The following NT5DC2 variants were observed in gnomAD, a reference collection of about 807,000 sequenced individuals.
The protein encoded by NT5DC2 is 5'-nucleotidase domain-containing protein 2.
In NT5DC2, 41 loss-of-function variants were observed where a neutral mutation model predicts 70.0. The observed-to-expected ratio is 0.59, with a 90% CI of 0.46 to 0.76. The LOEUF (loss-of-function observed/expected upper bound fraction) is 0.76. NT5DC2 is among the 30% of genes least tolerant of loss of function. The pLI is 0.00. For missense variants in NT5DC2, 705 were observed against 783.2 expected (o/e 0.90, Z 1.19); for synonymous variants, 299 against 310.4 (o/e 0.96, Z 0.39).
upstream of NT5DC2, chr3:52,534,341 G>T: frequency 1.1e-6 from 1 of 873,644 alleles, no homozygotes; most frequent in Non-Finnish European, 1.8e-6. Context: ...GCCCGGGCCA[G>T]TCCACTCACT....
chr3:52,524,935 GC>G, intron 12 of NT5DC2, 27 bp downstream of exon 12: 1 of 1,612,436 alleles, frequency 6.2e-7, no homozygotes, highest in Non-Finnish European at 8.5e-7. Context: ...TACCGCCCTG[GC>G]CCTCCCACAG....
chr3:52,529,445 A>T lies in NT5DC2; in HGVS notation c.233-111T>A. ...GCCCTGTGAGCCTCAGAAACGCCCC[A>T]CAATGGCACCTCTTATTCCAGTGCT... On this transcript the variant is annotated intron_variant, in intron 1 of 13. Transcript: ENST00000422318. This position sits in a 1 kb window ranked among gnomAD's most constrained non-coding sequence, Gnocchi z 4.1. The T allele has an allele frequency of 1.0e-6, 1 of 971,824 alleles. No individual in the cohort carries two copies. The highest frequency in any genetic ancestry group is 1.5e-5 in the South Asian group (1 of 65,784). The allele number at this position is 971,824 out of a possible 1,614,324, so 60.2% of individuals were successfully genotyped here.
At chr3:52,534,764 G>C, upstream of NT5DC2, 1 of 1,443,836 alleles carries the variant, frequency 6.9e-7, no homozygotes, top group East Asian at 2.3e-5. Context: ...AGCCAGCTGG[G>C]CGCGCGTTGT....
Position 52,533,688 on chromosome 3 carries a change from C to T in NT5DC2, c.50G>A (p.Gly17Glu). The T allele has an allele frequency of 9.2e-7, 1 of 1,088,486 alleles. No individual in the cohort carries two copies. The highest frequency in any genetic ancestry group is 1.1e-6 in the Non-Finnish European group (1 of 897,718). 67.4% of individuals were successfully genotyped at this position (1,088,486 alleles called of 1,614,324 possible). Residue 17 changes from glycine (G) to glutamate (E), a missense_variant, in exon 1 of 14, where the codon GGA (glycine) becomes GAA (glutamate). Gly to Glu is a moderately conservative substitution (Grantham distance 98). Coordinates refer to ENST00000422318, the MANE Select transcript of NT5DC2 (RefSeq NM_001134231.2). ...RAAARRWLLCGGHGGPRAASS... is the reference protein window; with the variant it reads ...RAAARRWLLCEGHGGPRAASS... Reference sequence around the variant, plus strand: ...GGCGGCTCGCGGCCCGCCGTGGCCTCCGCACAGCAGCCAGCGCCGAGCGGC... The same window carrying T: ...GGCGGCTCGCGGCCCGCCGTGGCCTTCGCACAGCAGCCAGCGCCGAGCGGC...
At chr3:52,532,917 G>A (rs1201313281) in intron 1 of NT5DC2, among the ~76,000 whole-genome samples, 1 of 152,286 alleles carries the variant, frequency 6.6e-6, no homozygotes, top group East Asian at 1.9e-4. Flanking sequence ...AGAGAGCAGG[G>A]ACAGGGAGGT....
chr3:52,528,810 A>G (rs371516490), intron 3 of NT5DC2, 51 bp downstream of exon 3: 30 of 1,604,626 alleles, frequency 1.9e-5, no homozygotes, highest in Non-Finnish European at 2.3e-5. Flanking sequence ...GGTAATGACC[A>G]TACCAAGAGG....
In NT5DC2 at chr3:52,531,326, AC is replaced by A. The variant is rs2079356350; in HGVS notation, c.233-1993del. 6.6e-6 allele frequency among the ~76,000 whole-genome samples: 1 copy of A among 151,962 alleles called. No individual in the cohort carries two copies. Among genetic ancestry groups the A allele is most frequent in the African/African-American group, 2.4e-5 (1 of 41,372 alleles). On this transcript the variant is annotated intron_variant, in intron 1 of 13. Coordinates refer to ENST00000422318, the MANE Select transcript of NT5DC2 (RefSeq NM_001134231.2). The surrounding 1 kb of genome is among the most constrained non-coding windows in gnomAD (Gnocchi z 4.1). Reference sequence around the variant, plus strand: ...CGCTCTAGGGAGCTGCTTCTGAGCCACCCCTCAAGGCCCAGGGTTCTGGTGT... The same window carrying A: ...CGCTCTAGGGAGCTGCTTCTGAGCCACCCTCAAGGCCCAGGGTTCTGGTGT...
intron 1 of NT5DC2, among the ~76,000 whole-genome samples, chr3:52,530,786 C>T (rs986208410): frequency 2.0e-5 from 3 of 152,242 alleles, no homozygotes; most frequent in African/African-American, 4.8e-5. Flanking sequence ...TCTCACTCTG[C>T]ACCTGCACAT....
Position 52,528,523 on chromosome 3 carries a change from G to T in NT5DC2, c.565C>A (p.Pro189Thr). The part of the protein sequence containing the change: ...GTAYRGLQPV[P>T]DEEVIELYGG... ...TACAGCTCAATCACCTCCTCGTCTG[G>T]CACAGGCTGGAGGCCCCTGAGCAGG... Residue 189 changes from proline (P) to threonine (T), a missense_variant, in exon 5 of 14, where the codon CCA becomes ACA. Pro to Thr is a conservative substitution (Grantham distance 38). Transcript: ENST00000422318. 1 of 1,608,288 alleles carries T rather than the reference G, an allele frequency of 6.2e-7. No homozygotes were observed.
chr3:52,526,694 T>C (rs143179454), intron 10 of NT5DC2, among the ~76,000 whole-genome samples: 14 of 152,340 alleles, frequency 9.2e-5, no homozygotes, highest in Admixed American at 2.0e-4. Flanking sequence ...GGGTCTTGCA[T>C]TGTTGCCCAG....
chr3:52,534,709 G>T, upstream of NT5DC2: 2 of 1,557,376 alleles, frequency 1.3e-6, no homozygotes, highest in South Asian at 1.2e-5. Context: ...TGTGCTCAGG[G>T]TCCGGAGGAG....
rs2079202393 is a variant in NT5DC2, at chr3:52,524,452, C to T, written c.*18G>A. On this transcript the variant is annotated 3_prime_UTR_variant, in exon 14 of 14. Transcript: ENST00000422318. ...GGCAGGAGGGGCTGAGGGCCTGTCCCAGACAATAAAGGTGCCCTCAGCGGA... is the reference window on the plus strand; with the variant it reads ...GGCAGGAGGGGCTGAGGGCCTGTCCTAGACAATAAAGGTGCCCTCAGCGGA... The T allele has an allele frequency of 1.2e-6, 2 of 1,612,576 alleles. No individual in the cohort carries two copies. Among genetic ancestry groups the T allele is most frequent in the African/African-American group, 1.3e-5 (1 of 75,070 alleles).
Position 52,533,617 on chromosome 3 carries a change from C to G in NT5DC2, c.121G>C (p.Ala41Pro), listed in dbSNP as rs865859187. 8.9e-6 allele frequency: 11 copies of G among 1,231,432 alleles called. No individual in the cohort carries two copies. In the Middle Eastern group the frequency reaches 1.6e-3, roughly 177 times the overall value. The allele number at this position is 1,231,432 out of a possible 1,614,324, so 76.3% of individuals were successfully genotyped here. ...GAGCGCGGGACGCCGGGGCAGTGGGCGCCGGGACCCGGGGGGCCGCACCCA... is the reference window on the plus strand; with the variant it reads ...GAGCGCGGGACGCCGGGGCAGTGGGGGCCGGGACCCGGGGGGCCGCACCCA... ...CPGCGPPGPGAHCPGVPRSAP... is the reference protein window; with the variant it reads ...CPGCGPPGPGPHCPGVPRSAP... The change falls in exon 1 of 14, where the codon GCC becomes CCC. Residue 41 changes from alanine (A) to proline (P), a missense_variant. By Grantham distance (27) the Ala-to-Pro change is conservative. Transcript: ENST00000422318.
upstream of NT5DC2, chr3:52,533,990 C>T (rs982344111): frequency 3.1e-6 from 1 of 324,836 alleles, no homozygotes; most frequent in Non-Finnish European, 4.4e-6. Flanking sequence ...GTCTCCGGCG[C>T]GGTCCGGGAG....
rs2079328761 is a variant in NT5DC2 at position 52,529,337 on chromosome 3, A to G, written c.233-3T>C. Reference sequence around the variant, plus strand: ...GCAGACCTCGGGGGGCAGGAGGTCTAGAGGAAGGAGATGCAGGGAGGCAGT... The same window carrying G: ...GCAGACCTCGGGGGGCAGGAGGTCTGGAGGAAGGAGATGCAGGGAGGCAGT... On this transcript the variant is annotated splice_polypyrimidine_tract_variant and splice_region_variant and intron_variant, in intron 1 of 13. Coordinates refer to ENST00000422318, the MANE Select transcript of NT5DC2 (RefSeq NM_001134231.2). This position sits in a 1 kb window ranked among gnomAD's most constrained non-coding sequence, Gnocchi z 4.1. 1 of 1,612,786 alleles carries G rather than the reference A, an allele frequency of 6.2e-7. No individual in the cohort carries two copies. Among genetic ancestry groups the G allele is most frequent in the Admixed American group, 1.7e-5 (1 of 59,944 alleles).
At chr3:52,533,962 A>C (rs947520737), upstream of NT5DC2, 147 of 415,518 alleles carry the variant, frequency 3.5e-4, 1 homozygote, top group African/African-American at 3.0e-3. Flanking sequence ...AGGGCTCCCC[A>C]GCCCCCTCCC....
At chr3:52,534,498 G>A (rs1480275780), upstream of NT5DC2, 6 of 1,612,316 alleles carry the variant, frequency 3.7e-6, no homozygotes, top group Non-Finnish European at 4.2e-6. Context: ...CACTGCGCCC[G>A]CTTGGTTCGG....
In NT5DC2 at chr3:52,528,477, G is replaced by A. The variant is rs1318492836; in HGVS notation, c.611C>T (p.Pro204Leu). ...ATAGAAGCCACTCATCTGGTATAGT[G>A]GGATGTGCTGGGTACCCCCATACAG... ...IELYGGTQHI[P>L]LYQMSGFYGK... The change falls in exon 5 of 14, where the codon CCA becomes CTA. Residue 204 changes from proline to leucine, a missense_variant. Pro to Leu is a moderately conservative substitution (Grantham distance 98, BLOSUM62 -3). Transcript: ENST00000422318. The A allele has an allele frequency of 6.2e-7, 1 of 1,613,770 alleles. No homozygotes were observed. The highest frequency in any genetic ancestry group is 8.5e-7 in the Non-Finnish European group (1 of 1,180,032).
Position 52,524,841 on chromosome 3 carries a change from C to T in NT5DC2, c.1388G>A (p.Trp463Ter). 6.2e-7 allele frequency: 1 copy of T among 1,612,714 alleles called. No individual in the cohort carries two copies. Among genetic ancestry groups the T allele is most frequent in the Non-Finnish European group, 8.5e-7 (1 of 1,180,012 alleles). Residue 463 changes from tryptophan (W) to a stop codon, truncating the protein, a stop_gained, in exon 13 of 14, where the codon TGG becomes TAG. Coordinates refer to ENST00000422318, the MANE Select transcript of NT5DC2 (RefSeq NM_001134231.2). LOFTEE classifies it high-confidence loss of function. Reference sequence around the variant, plus strand: ...CCTCAGCTCCTGCCGCTCTTTCATCCAGGCAGCCAGCACCTGCCTCGACTC... The same window carrying T: ...CCTCAGCTCCTGCCGCTCTTTCATCTAGGCAGCCAGCACCTGCCTCGACTC... ...DAESRQVLAA[W>*]MKERQELRCI...
Sources: gnomAD v4.1 joint callset for allele counts (sites outside exome capture counted in the v4.1 genomes callset) on GRCh38, gnomAD v4.1.1 for gene constraint, Gnocchi (gnomAD v3.1) non-coding constraint, MANE v1.5 for transcripts, NCBI Gene and HGNC (gene_info 2026-07-23, HGNC 2026-07-21) for gene names.